Variants in MVB12B observed in about 807,000 individuals in gnomAD.
The protein encoded by MVB12B is ESCRT-I complex subunit MVB12B.
Under a neutral mutation model 41.6 loss-of-function variants are expected in MVB12B, and 16 were observed. The ratio of observed to expected loss-of-function variants is 0.38; its 90% CI spans 0.26 to 0.58. MVB12B has a LOEUF of 0.58. MVB12B is among the 20% of genes least tolerant of loss of function. The pLI, the probability that MVB12B is intolerant of heterozygous loss-of-function variation, is 0.62. For synonymous variants in MVB12B, 133 were observed against 139.7 expected (o/e 0.95, Z 0.34); for missense variants, 274 against 380.2 (o/e 0.72, Z 2.32).
chr9:126,429,421 C>T (rs897381181), intron 7 of MVB12B, among the ~76,000 whole-genome samples: 1 of 152,174 alleles, frequency 6.6e-6, no homozygotes, highest in Non-Finnish European at 1.5e-5. Context: ...CGCACACTGC[C>T]TTGTTTCGAT....
At chr9:126,358,151 C>A (rs10987253) in intron 2 of MVB12B, among the ~76,000 whole-genome samples, 62,844 of 152,026 alleles carry the variant, frequency 0.41, 13,293 homozygotes, top group South Asian at 0.49. Context: ...CATTGCTAGA[C>A]TCTGTTTTAT....
chr9:126,503,314 G>A lies in MVB12B; in HGVS notation c.*51G>A. The A allele has an allele frequency of 6.9e-7, 1 of 1,453,152 alleles. No homozygotes were observed. The highest frequency in any genetic ancestry group is 1.2e-5 in the South Asian group (1 of 81,786). The allele number at this position is 1,453,152 out of a possible 1,614,324, so 90.0% of individuals were successfully genotyped here. A position where few individuals can be genotyped will look rare whatever the true frequency, so the allele number is the denominator to read the frequency against. On this transcript the variant is annotated 3_prime_UTR_variant, in exon 10 of 10. Transcript: ENST00000361171. ...ACCACCGCCGCCCAGACTACTGACG[G>A]CAGGGGCTGCTGCCCCCGCCTCCTC...
chr9:126,501,890 C>G (rs998211762), intron 9 of MVB12B, among the ~76,000 whole-genome samples: 6 of 152,050 alleles, frequency 3.9e-5, no homozygotes, highest in African/African-American at 1.4e-4. Context: ...CGTGGGCACC[C>G]CAGGGCCCTC....
rs898508699 is a variant in MVB12B at position 126,335,412 on chromosome 9, G to T, written c.82-5096G>T. 1.0e-5 allele frequency: 13 copies of T among 1,304,178 alleles called. No individual in the cohort carries two copies. In the African/African-American group the frequency reaches 1.8e-4, roughly 18 times the overall value. 80.8% of individuals were successfully genotyped at this position (1,304,178 alleles called of 1,614,324 possible). On this transcript the variant is annotated intron_variant, in intron 1 of 9. Transcript: ENST00000361171. ...AGCTCTCAGCCTTCTGAGGAGGTAG[G>T]TCTCTGCAACTTTCTGTAAGGAGGT...
chr9:126,387,374 TA>T (rs1169735567), intron 4 of MVB12B, among the ~76,000 whole-genome samples: 2 of 152,250 alleles, frequency 1.3e-5, no homozygotes, highest in Admixed American at 1.3e-4. Flanking sequence ...AAGCAATGAA[TA>T]CAAAACAAAT....
chr9:126,502,508 G>A (rs1174043247), intron 9 of MVB12B, among the ~76,000 whole-genome samples: 1 of 152,148 alleles, frequency 6.6e-6, no homozygotes, highest in Non-Finnish European at 1.5e-5. Context: ...CCAGACAGGG[G>A]AGCAGCAGGG....
chr9:126,471,221 C>T (rs569288860), intron 7 of MVB12B, among the ~76,000 whole-genome samples: 1 of 152,338 alleles, frequency 6.6e-6, no homozygotes, highest in African/African-American at 2.4e-5. Context: ...TTTCCTGTTG[C>T]TGTCTGATCC....
chr9:126,499,295 AC>A (rs1045625153), intron 9 of MVB12B, among the ~76,000 whole-genome samples: 5 of 152,058 alleles, frequency 3.3e-5, no homozygotes, highest in African/African-American at 1.2e-4. Context: ...CCTGACAGTT[AC>A]ATCTCTTTCC....
At chr9:126,446,800 C>A (rs1832778952) in intron 7 of MVB12B, among the ~76,000 whole-genome samples, 2 of 151,432 alleles carry the variant, frequency 1.3e-5, no homozygotes, top group South Asian at 4.2e-4. Context: ...TGTTATTTTT[C>A]TCTCTCTTTT....
At chr9:126,467,780 T>G (rs1440996021) in intron 7 of MVB12B, among the ~76,000 whole-genome samples, 1 of 152,218 alleles carries the variant, frequency 6.6e-6, no homozygotes, top group Non-Finnish European at 1.5e-5. Flanking sequence ...GAGAACCTCT[T>G]TACTTTCTGG....
rs1831102905 is a variant in MVB12B at position 126,395,990 on chromosome 9, G to A, written c.662+293G>A. On this transcript the variant is annotated intron_variant, in intron 6 of 9. Coordinates refer to ENST00000361171, the MANE Select transcript of MVB12B (RefSeq NM_033446.3). This position sits in a 1 kb window ranked among gnomAD's most constrained non-coding sequence, Gnocchi z 4.9. The stretch of plus-strand genomic sequence containing the variant: ...TCAAAAGAGCTGCTAGCTACACACA[G>A]ACACGTGCTGTATAGCCATGGGGTT... The A allele has an allele frequency of 2.5e-6, 3 of 1,205,134 alleles. No homozygotes were observed. The highest frequency in any genetic ancestry group is 3.1e-5 in the African/African-American group (2 of 64,472). The allele number at this position is 1,205,134 out of a possible 1,614,324, so 74.7% of individuals were successfully genotyped here. A position where few individuals can be genotyped will look rare whatever the true frequency, so the allele number is the denominator to read the frequency against.
rs1214471588 is a variant in MVB12B, at chr9:126,478,804, T to C, written c.758-2565T>C. On this transcript the variant is annotated intron_variant, in intron 7 of 9. Transcript: ENST00000361171. The surrounding 1 kb of genome is among the most constrained non-coding windows in gnomAD (Gnocchi z 4.2). ...TCAGTTCCTGATGTAATCAGGTCTTTGCACATCACCTTACCACCTTCGTAA... is the reference window on the plus strand; with the variant it reads ...TCAGTTCCTGATGTAATCAGGTCTTCGCACATCACCTTACCACCTTCGTAA... Among the ~76,000 whole-genome samples the C allele has an allele frequency of 7.2e-5, 11 of 152,146 alleles. No homozygotes were observed. The highest frequency in any genetic ancestry group is 6.5e-4 in the Admixed American group (10 of 15,288).
At chr9:126,439,800 C>T (rs1293178387) in intron 7 of MVB12B, among the ~76,000 whole-genome samples, 1 of 152,194 alleles carries the variant, frequency 6.6e-6, no homozygotes, top group African/African-American at 2.4e-5. Flanking sequence ...GTAATGCTTT[C>T]ATCAGTATAG....
In MVB12B at chr9:126,348,286, A is replaced by G. The variant is rs546062425; in HGVS notation, c.204+7656A>G. On this transcript the variant is annotated intron_variant, in intron 2 of 9. Transcript: ENST00000361171. ...GGCCTGGATTAGCAAACCTCTTTTA[A>G]GGTCCTTCCCTCCACATTCCCCTTT... Among the ~76,000 whole-genome samples, 4 of 152,320 alleles carry G rather than the reference A, an allele frequency of 2.6e-5. No homozygotes were observed. The East Asian group carries it at 7.7e-4, about 29-fold the overall frequency.
chr9:126,421,180 G>A (rs1264932027), intron 6 of MVB12B, among the ~76,000 whole-genome samples: 2 of 152,200 alleles, frequency 1.3e-5, no homozygotes, highest in African/African-American at 4.8e-5. Flanking sequence ...GCTCACTTAG[G>A]CTGAGTGTTC....
chr9:126,492,176 C>T (rs1473383886), intron 9 of MVB12B, among the ~76,000 whole-genome samples: 1 of 146,924 alleles, frequency 6.8e-6, no homozygotes, highest in Non-Finnish European at 1.5e-5. Context: ...CTGCGACCTG[C>T]CTCTGTACTA....
chr9:126,393,850 GC>G (rs1373962231), intron 5 of MVB12B, among the ~76,000 whole-genome samples: 1 of 152,224 alleles, frequency 6.6e-6, no homozygotes, highest in Non-Finnish European at 1.5e-5. Context: ...GGCTTCTGAG[GC>G]CAGCCTCCTG....
intron 6 of MVB12B, among the ~76,000 whole-genome samples, chr9:126,415,004 A>G (rs1164688733): frequency 6.6e-6 from 1 of 151,922 alleles, no homozygotes; most frequent in African/African-American, 2.4e-5. Context: ...TCCTGGGATT[A>G]TAGGCATGAG....
At chr9:126,482,879 C>A (rs138809158) in intron 8 of MVB12B, among the ~76,000 whole-genome samples, 4 of 152,248 alleles carry the variant, frequency 2.6e-5, no homozygotes, top group Admixed American at 6.5e-5. Context: ...CTCAGTGCAG[C>A]GCCCCGCAGC....
Sources: allele counts gnomAD v4.1 joint callset (sites outside exome capture counted in the v4.1 genomes callset), GRCh38; gene constraint gnomAD v4.1.1; non-coding constraint Gnocchi (gnomAD v3.1); transcripts MANE v1.5; gene names NCBI Gene and HGNC (gene_info 2026-07-23, HGNC 2026-07-21).